The following PKHD1 variants were observed in gnomAD, a reference collection of about 807,000 sequenced individuals.
The protein encoded by PKHD1 is PKHD1 ciliary IPT domain containing fibrocystin/polyductin.
PKHD1 carries 291 observed loss-of-function variants against 412.0 expected under a neutral mutation model. That is an observed-to-expected ratio of 0.71 (90% CI 0.64 to 0.78). PKHD1 has a LOEUF of 0.78. PKHD1 is among the 30% of genes least tolerant of loss of function. The pLI is 0.00. For synonymous variants in PKHD1, 1,777 were observed against 1,821.5 expected (o/e 0.98, Z 0.62); for missense variants, 4,825 against 4,950.7 (o/e 0.97, Z 0.76).
At position 51,746,822 on chromosome 6, in the gene PKHD1, A is replaced by AT; in HGVS notation, c.9896dup (p.Asn3299LysfsTer24). The AT allele has an allele frequency of 6.2e-7, 1 of 1,610,358 alleles. No homozygotes were observed. The highest frequency in any genetic ancestry group is 8.5e-7 in the Non-Finnish European group (1 of 1,176,870). The stretch of plus-strand genomic sequence containing the variant: ...GGTGCATAATTCCACTGTTCTCTGC[A>AT]TTTGGTAGAATGCAGACATCCAGGT... On this transcript the variant is annotated frameshift_variant, in exon 59 of 67. Coordinates refer to ENST00000371117, the MANE Select transcript of PKHD1 (RefSeq NM_138694.4). LOFTEE classifies it high-confidence loss of function.
Position 51,698,345 on chromosome 6 carries a change from G to A in PKHD1, c.10157-38376C>T, listed in dbSNP as rs149810007. 2.3e-3 allele frequency among the ~76,000 whole-genome samples: 344 copies of A among 152,246 alleles called. 2 individuals are homozygous for A. The highest frequency in any genetic ancestry group is 8.1e-3 in the African/African-American group (335 of 41,558). ...GGATCTAACCAGAATCATTAAAATG[G>A]TAAAAACAAAATTATATTTTAAAAG... On this transcript the variant is annotated intron_variant, in intron 60 of 66. Transcript: ENST00000371117.
At chr6:51,885,062 T>C (rs890593364) in intron 45 of PKHD1, among the ~76,000 whole-genome samples, 1 of 152,230 alleles carries the variant, frequency 6.6e-6, no homozygotes, top group Non-Finnish European at 1.5e-5. Context: ...TATGTTTGTA[T>C]TCTATTTCCT....
intron 60 of PKHD1, among the ~76,000 whole-genome samples, chr6:51,727,067 G>A (rs773043216): frequency 2.6e-5 from 4 of 152,170 alleles, no homozygotes; most frequent in Non-Finnish European, 1.5e-5. Context: ...GAAGACAGCC[G>A]CAAGTCAGGG....
chr6:51,823,093 C>CA (rs35945486), intron 52 of PKHD1, among the ~76,000 whole-genome samples: 57,352 of 139,426 alleles, frequency 0.41, 11,431 homozygotes, highest in Middle Eastern at 0.59. Flanking sequence ...GCTATAGTAG[C>CA]AAAAAAAAAA....
In PKHD1 at chr6:52,001,353, A is replaced by G. The variant is rs927744115; in HGVS notation, c.5751+8956T>C. 2.2e-4 allele frequency among the ~76,000 whole-genome samples: 34 copies of G among 152,190 alleles called. 1 individual carries two copies. Among genetic ancestry groups the G allele is most frequent in the African/African-American group, 8.0e-4 (33 of 41,446 alleles). On this transcript the variant is annotated intron_variant, in intron 35 of 66. Coordinates refer to ENST00000371117, the MANE Select transcript of PKHD1 (RefSeq NM_138694.4). ...TGTCCTAGGGCAAGAAGATTGTACA[A>G]ACCTAAGAACTAGATTTTCTTTCAA...
In PKHD1 at chr6:51,744,453, C is replaced by T; in HGVS notation, c.10088G>A (p.Gly3363Asp). 6.2e-7 allele frequency: 1 copy of T among 1,612,410 alleles called. No individual in the cohort carries two copies. The highest frequency in any genetic ancestry group is 8.5e-7 in the Non-Finnish European group (1 of 1,178,450). ...AAATACAGAAACTGGTGGAGGCAGA[C>T]CCAGGGCTCTCCCATCCAGATCCTT... ...LFKDLDGRAL[G>D]LPPPVSVFPK... is the part of the protein sequence containing the mutation. Residue 3363 changes from glycine (G) to aspartate (D), a missense_variant, in exon 60 of 67, where the codon GGT becomes GAT. Transcript: ENST00000371117.
At chr6:51,671,168 G>A (rs575279879) in intron 60 of PKHD1, among the ~76,000 whole-genome samples, 16 of 152,092 alleles carry the variant, frequency 1.1e-4, no homozygotes, top group Middle Eastern at 3.4e-3. Flanking sequence ...CATTCTCCCC[G>A]TCATTTTCAG....
At position 51,791,357 on chromosome 6, in the gene PKHD1, C is replaced by T. The variant is rs374869252; in HGVS notation, c.8319G>A (p.Val2773=). The part of the protein sequence containing the change: ...VLILPNRTVL[V]DTDLPFFKGL... ...CTTTGAAGAATGGAAGATCTGTATC[C>T]ACAAGGACAGTTCTGTCTGTGGAAG... is the stretch of plus-strand genomic sequence containing the variant. The change falls in exon 53 of 67, where the codon GTG becomes GTA. Residue 2773 remains valine, a synonymous_variant. Coordinates refer to ENST00000371117, the MANE Select transcript of PKHD1 (RefSeq NM_138694.4). 3.5e-5 allele frequency: 56 copies of T among 1,613,468 alleles called. No individual in the cohort carries two copies. Among genetic ancestry groups the T allele is most frequent in the Middle Eastern group, 1.6e-4 (1 of 6,084 alleles).
chr6:51,703,392 G>A (rs1779675223), intron 60 of PKHD1, among the ~76,000 whole-genome samples: 1 of 151,806 alleles, frequency 6.6e-6, no homozygotes, highest in African/African-American at 2.4e-5. Flanking sequence ...TTTTTACTAA[G>A]TCTATCACAG....
chr6:51,660,351 C>A (rs899724635), intron 60 of PKHD1, among the ~76,000 whole-genome samples: 1 of 152,052 alleles, frequency 6.6e-6, no homozygotes, highest in Non-Finnish European at 1.5e-5. Context: ...TACCTCACCT[C>A]TGGTCACCAA....
At chr6:52,068,492 A>AAATC (rs1411203103) in intron 11 of PKHD1, among the ~76,000 whole-genome samples, 1 of 152,226 alleles carries the variant, frequency 6.6e-6, no homozygotes, top group African/African-American at 2.4e-5. Flanking sequence ...GGCTATGGAC[A>AAATC]TAAGATTTGG....
Position 51,775,874 on chromosome 6 carries a change from G to T in PKHD1, c.8488C>A (p.Leu2830Ile). The T allele has an allele frequency of 6.2e-7, 1 of 1,600,392 alleles. No homozygotes were observed. Among genetic ancestry groups the T allele is most frequent in the South Asian group, 1.1e-5 (1 of 90,736 alleles). ...LEKEQKLLIL[L>I]RASEGVFCDR... ...CAAAAGACTCCCTCTGAGGCTCTAA[G>T]GAGAATCAGAAGCTTTTGTTCCTTT... The change falls in exon 54 of 67, where the codon CTT becomes ATT. Residue 2830 changes from leucine (L) to isoleucine (I), a missense_variant. Leu to Ile is a conservative substitution (Grantham distance 5). Transcript: ENST00000371117.
At position 51,830,920 on chromosome 6, in the gene PKHD1, C is replaced by G; in HGVS notation, c.8243G>C (p.Gly2748Ala). The change falls in exon 52 of 67, where the codon GGC (glycine) becomes GCC (alanine). Residue 2748 changes from glycine to alanine, a missense_variant. Coordinates refer to ENST00000371117, the MANE Select transcript of PKHD1 (RefSeq NM_138694.4). ...LPETWQGVEE[G>A]WGGYNNTIPG... ...AATGGTATTGTTGTATCCTCCCCAG[C>G]CTTCTTCAACACCTTGCCATGTTTC... The G allele has an allele frequency of 6.2e-7, 1 of 1,612,178 alleles. No homozygotes were observed. Among genetic ancestry groups the G allele is most frequent in the Middle Eastern group, 1.7e-4 (1 of 6,050 alleles).
At chr6:51,824,160 C>T (rs1459615078) in intron 52 of PKHD1, among the ~76,000 whole-genome samples, 1 of 151,856 alleles carries the variant, frequency 6.6e-6, no homozygotes, top group African/African-American at 2.4e-5. Flanking sequence ...ACTACATTTC[C>T]TGCCAAATCA....
At chr6:51,742,584 T>G (rs1310242975) in intron 60 of PKHD1, among the ~76,000 whole-genome samples, 1 of 152,162 alleles carries the variant, frequency 6.6e-6, no homozygotes, top group Non-Finnish European at 1.5e-5. Context: ...TCATTCTGCA[T>G]GCTCTTGGAT....
intron 46 of PKHD1, among the ~76,000 whole-genome samples, chr6:51,874,130 G>A (rs925675213): frequency 6.6e-6 from 1 of 152,138 alleles, no homozygotes; most frequent in African/African-American, 2.4e-5. Flanking sequence ...GAAATAGGAG[G>A]AAGAATGAAG....
chr6:51,907,067 A>G lies in PKHD1; in HGVS notation c.6683-727T>C, dbSNP rs531800855. On this transcript the variant is annotated intron_variant, in intron 40 of 66. Coordinates refer to ENST00000371117, the MANE Select transcript of PKHD1 (RefSeq NM_138694.4). Reference sequence around the variant, plus strand: ...TTGTGCATTGCATTGTGCTGGAAACATAAAGATGAATGAAACTAAGTAACC... The same window carrying G: ...TTGTGCATTGCATTGTGCTGGAAACGTAAAGATGAATGAAACTAAGTAACC... 8.5e-5 allele frequency among the ~76,000 whole-genome samples: 13 copies of G among 152,276 alleles called. No homozygotes were observed. The South Asian group carries it at 2.7e-3, about 32-fold the overall frequency.
Position 52,044,898 on chromosome 6 carries a change from C to T in PKHD1, c.2715+68G>A, listed in dbSNP as rs531776566. 1.7e-4 allele frequency: 271 copies of T among 1,576,310 alleles called. No individual in the cohort carries two copies. In the Admixed American group the frequency reaches 4.5e-3, roughly 26 times the overall value. Reference sequence around the variant, plus strand: ...GAGCTAAATCAATGAGTCCATGTTACAAATCAGTGAGGAGTGAGTTAGACT... The same window carrying T: ...GAGCTAAATCAATGAGTCCATGTTATAAATCAGTGAGGAGTGAGTTAGACT... On this transcript the variant is annotated intron_variant, in intron 25 of 66. Coordinates refer to ENST00000371117, the MANE Select transcript of PKHD1 (RefSeq NM_138694.4).
intron 46 of PKHD1, among the ~76,000 whole-genome samples, chr6:51,871,443 A>T (rs1775983930): frequency 8.5e-6 from 1 of 118,170 alleles, no homozygotes; most frequent in South Asian, 2.6e-4. Context: ...ATACTATATG[A>T]CTCCATTTAT....
Sources: allele counts gnomAD v4.1 joint callset (sites outside exome capture counted in the v4.1 genomes callset), GRCh38; gene constraint gnomAD v4.1.1; transcripts MANE v1.5; gene names NCBI Gene and HGNC (gene_info 2026-07-23, HGNC 2026-07-21).